C12orf50: variants seen among roughly 807,000 people sequenced by gnomAD.
The protein encoded by C12orf50 is uncharacterized protein C12orf50.
A neutral mutation model predicts 61.6 loss-of-function variants in C12orf50; 35 were observed. That is an observed-to-expected ratio of 0.57 (90% CI 0.43 to 0.75). The LOEUF is 0.75. Ranked by LOEUF, C12orf50 falls within the 30% of genes least tolerant of loss-of-function variation. The pLI, the probability that C12orf50 is intolerant of heterozygous loss-of-function variation, is 0.00. For synonymous variants in C12orf50, 178 were observed against 161.5 expected, an observed-to-expected ratio of 1.10 and a Z score of -0.77; for missense variants, 475 against 488.5, an observed-to-expected ratio of 0.97 and a Z score of 0.26.
chr12:87,988,358 T>C (rs2030944770), intron 8 of C12orf50, among the ~76,000 whole-genome samples: 1 of 152,190 alleles, frequency 6.6e-6, no homozygotes, highest in Non-Finnish European at 1.5e-5. Flanking sequence ...GACTCCTTAG[T>C]AGGGCTTTCC....
chr12:87,998,577 T>C (rs1431240323), intron 3 of C12orf50, among the ~76,000 whole-genome samples: 1 of 152,150 alleles, frequency 6.6e-6, no homozygotes, highest in East Asian at 1.9e-4. Flanking sequence ...ATGGACTGAT[T>C]TGTATTTGGT....
intron 1 of C12orf50, chr12:88,028,982 C>T (rs2032802983): frequency 1.5e-6 from 1 of 652,600 alleles, no homozygotes. Context: ...AATTTTTGTT[C>T]AGCAATACAA....
chr12:88,016,501 T>G (rs2032316692), intron 3 of C12orf50, among the ~76,000 whole-genome samples: 1 of 152,214 alleles, frequency 6.6e-6, no homozygotes, highest in Non-Finnish European at 1.5e-5. Context: ...TATTGAAATA[T>G]TTCCAAATAA....
At chr12:88,027,263 G>T (rs1233667753) in intron 1 of C12orf50, among the ~76,000 whole-genome samples, 193 bp from the exon 2 acceptor site, 1 of 152,182 alleles carries the variant, frequency 6.6e-6, no homozygotes, top group Non-Finnish European at 1.5e-5. Flanking sequence ...CAACAAGATA[G>T]TCTAATGGTT....
At chr12:88,020,441 A>G (rs899754343) in intron 3 of C12orf50, among the ~76,000 whole-genome samples, 3 of 152,216 alleles carry the variant, frequency 2.0e-5, no homozygotes, top group Non-Finnish European at 4.4e-5. Context: ...TAAAAAACAT[A>G]AACACATTAT....
intron 3 of C12orf50, among the ~76,000 whole-genome samples, chr12:88,013,433 A>G (rs1260546503): frequency 2.6e-5 from 4 of 152,194 alleles, no homozygotes; most frequent in Non-Finnish European, 4.4e-5. Flanking sequence ...ATACAGACTG[A>G]ATATTACACA....
At chr12:88,017,470 G>A (rs1405349492) in intron 3 of C12orf50, among the ~76,000 whole-genome samples, 2 of 152,046 alleles carry the variant, frequency 1.3e-5, no homozygotes, top group African/African-American at 2.4e-5. Context: ...GTCTTTATCT[G>A]CAGCATGTCT....
At chr12:87,988,538 T>G (rs1414326660) in intron 8 of C12orf50, among the ~76,000 whole-genome samples, 2 of 152,194 alleles carry the variant, frequency 1.3e-5, no homozygotes, top group East Asian at 1.9e-4. Flanking sequence ...GCTACCATAT[T>G]AGTATAGCTT....
At chr12:88,026,187 G>A (rs2032700477) in intron 3 of C12orf50, among the ~76,000 whole-genome samples, 1 of 152,056 alleles carries the variant, frequency 6.6e-6, no homozygotes, top group Non-Finnish European at 1.5e-5. Context: ...ATACTTTGCT[G>A]AGACACAGCC....
intron 3 of C12orf50, among the ~76,000 whole-genome samples, chr12:88,021,424 G>A (rs2032513425): frequency 1.3e-5 from 2 of 152,116 alleles, no homozygotes; most frequent in Non-Finnish European, 2.9e-5. Flanking sequence ...GATCACTTGA[G>A]GCCAGGAGTT....
chr12:87,986,291 T>C lies in C12orf50; in HGVS notation c.922+21A>G. On this transcript the variant is annotated intron_variant, in intron 10 of 12. Transcript: ENST00000298699. ...CTTTTAAAATTACAATTTAGAAATA[T>C]CAAATATATAGACACCTTACCTCTC... 2.0e-6 allele frequency: 3 copies of C among 1,485,240 alleles called. No homozygotes were observed. In the South Asian group the frequency reaches 3.7e-5, roughly 18 times the overall value. 92.0% of individuals were successfully genotyped at this position (1,485,240 alleles called of 1,614,324 possible).
At position 87,998,014 on chromosome 12, in the gene C12orf50, C is replaced by T. The variant is rs760251537; in HGVS notation, c.289+21G>A. ...GAGGTTTTTGAATGTGTATTGTAAA[C>T]CTGAAAAAAGTTCTACTAACCATTT... is the stretch of plus-strand genomic sequence containing the variant. On this transcript the variant is annotated intron_variant, in intron 4 of 12. Transcript: ENST00000298699. 3.8e-6 allele frequency: 6 copies of T among 1,594,264 alleles called. No individual in the cohort carries two copies. The African/African-American group carries it at 5.4e-5, about 14-fold the overall frequency.
At position 88,029,000 on chromosome 12, in the gene C12orf50, C is replaced by T; in HGVS notation, c.-109+340G>A. 3 of 882,512 alleles carry T rather than the reference C, an allele frequency of 3.4e-6. No homozygotes were observed. The Middle Eastern group carries it at 8.8e-4, about 260-fold the overall frequency. 54.7% of individuals were successfully genotyped at this position (882,512 alleles called of 1,614,324 possible). A position where few individuals can be genotyped will look rare whatever the true frequency, so the allele number is the denominator to read the frequency against. On this transcript the variant is annotated intron_variant, in intron 1 of 12. Coordinates refer to ENST00000298699, the MANE Select transcript of C12orf50 (RefSeq NM_152589.3). The stretch of plus-strand genomic sequence containing the variant: ...TTTTGTTCAGCAATACAAGTTATTG[C>T]CATATCTCCCTTCATTCTACTAAAA...
intron 3 of C12orf50, among the ~76,000 whole-genome samples, chr12:88,012,495 A>T (rs2032150119): frequency 6.6e-6 from 1 of 152,202 alleles, no homozygotes; most frequent in African/African-American, 2.4e-5. Flanking sequence ...AGAAATGCTA[A>T]TTTTTGTAAA....
intron 3 of C12orf50, among the ~76,000 whole-genome samples, chr12:88,005,080 C>A (rs1260767708): frequency 6.6e-6 from 1 of 152,162 alleles, no homozygotes; most frequent in African/African-American, 2.4e-5. Flanking sequence ...TTGAACATCA[C>A]AATCCTCTCA....
Position 87,998,028 on chromosome 12 carries a change from T to C in C12orf50, c.289+7A>G. On this transcript the variant is annotated splice_region_variant and intron_variant, in intron 4 of 12. Coordinates refer to ENST00000298699, the MANE Select transcript of C12orf50 (RefSeq NM_152589.3). The stretch of plus-strand genomic sequence containing the variant: ...TGTATTGTAAACCTGAAAAAAGTTC[T>C]ACTAACCATTTTGTTCATCTACTTC... 1 of 1,604,668 alleles carries C rather than the reference T, an allele frequency of 6.2e-7. No homozygotes were observed.
intron 3 of C12orf50, among the ~76,000 whole-genome samples, chr12:88,013,034 G>A (rs1195017085): frequency 6.6e-6 from 1 of 152,000 alleles, no homozygotes; most frequent in East Asian, 1.9e-4. Flanking sequence ...ACTGCACTCT[G>A]GCCTGGGCAA....
chr12:88,028,830 T>A (rs1024183291), intron 1 of C12orf50, among the ~76,000 whole-genome samples: 1 of 152,142 alleles, frequency 6.6e-6, no homozygotes, highest in Non-Finnish European at 1.5e-5. Flanking sequence ...GACATATAAC[T>A]GGTATATATA....
chr12:87,997,636 C>T (rs1179048673), intron 4 of C12orf50, among the ~76,000 whole-genome samples: 1 of 152,084 alleles, frequency 6.6e-6, no homozygotes, highest in East Asian at 1.9e-4. Flanking sequence ...TTGTTCAACT[C>T]CCACCTATGA....
Sources: gnomAD v4.1 joint callset for allele counts (sites outside exome capture counted in the v4.1 genomes callset) on GRCh38, gnomAD v4.1.1 for gene constraint, MANE v1.5 for transcripts, NCBI Gene and HGNC (gene_info 2026-07-23, HGNC 2026-07-21) for gene names.